The following ADAM9 variants were observed in gnomAD, a reference collection of about 807,000 sequenced individuals.
The protein encoded by ADAM9 is disintegrin and metalloproteinase domain-containing protein 9.
Under a neutral mutation model 108.1 loss-of-function variants are expected in ADAM9, and 54 were observed. The observed-to-expected ratio is 0.50, with a 90% CI of 0.40 to 0.63. The LOEUF (loss-of-function observed/expected upper bound fraction) is 0.63. ADAM9 is among the 20% of genes least tolerant of loss of function. ADAM9 has a pLI of 0.00. For missense variants in ADAM9, 830 were observed against 997.7 expected (o/e 0.83, Z 2.26); for synonymous variants, 316 against 336.0 (o/e 0.94, Z 0.65).
chr8:39,015,919 G>C (rs1055843031), intron 4 of ADAM9, 199 bp from the exon 5 acceptor site: 17 of 570,350 alleles, frequency 3.0e-5, no homozygotes, highest in African/African-American at 2.8e-4. Flanking sequence ...AAACATTTGT[G>C]TACTCATAGG....
chr8:39,054,431 A>G (rs1838049629), intron 12 of ADAM9, 50 bp from the exon 13 acceptor site: 1 of 1,475,114 alleles, frequency 6.8e-7, no homozygotes, highest in Non-Finnish European at 9.5e-7. Context: ...ATTAATGAGT[A>G]TTCATGTCAA....
At chr8:39,039,049 C>T (rs1307597009) in intron 11 of ADAM9, among the ~76,000 whole-genome samples, 1 of 152,134 alleles carries the variant, frequency 6.6e-6, no homozygotes, top group African/African-American at 2.4e-5. Context: ...GTACTATCAA[C>T]TTTTCTAGAG....
intron 12 of ADAM9, among the ~76,000 whole-genome samples, chr8:39,048,006 C>T (rs1398341397): frequency 1.3e-5 from 2 of 151,674 alleles, no homozygotes; most frequent in Admixed American, 6.6e-5. Flanking sequence ...TTGCAACCTC[C>T]ACCTCCTGGT....
At chr8:39,007,681 A>G (rs978897456) in intron 1 of ADAM9, among the ~76,000 whole-genome samples, 3 of 152,202 alleles carry the variant, frequency 2.0e-5, no homozygotes, top group Non-Finnish European at 2.9e-5. Context: ...AAGAAAATAC[A>G]TTTTCCTCCC....
intron 16 of ADAM9, among the ~76,000 whole-genome samples, chr8:39,081,538 A>G (rs1375990698): frequency 2.6e-5 from 4 of 152,362 alleles, no homozygotes; most frequent in Admixed American, 1.3e-4. Context: ...ATCTTTATTC[A>G]GGAGTAGTGC....
intron 21 of ADAM9, among the ~76,000 whole-genome samples, chr8:39,103,075 AC>A (rs1384527581): frequency 6.6e-6 from 1 of 152,222 alleles, no homozygotes. Context: ...TTCTAGTGTT[AC>A]TGGAGTAGAG....
chr8:39,077,868 T>C (rs999228739), intron 16 of ADAM9, among the ~76,000 whole-genome samples: 1 of 152,184 alleles, frequency 6.6e-6, no homozygotes, highest in African/African-American at 2.4e-5. Context: ...GAAGATGCCC[T>C]GGGCCAAATT....
chr8:39,013,977 T>G lies in ADAM9; in HGVS notation c.267T>G (p.Pro89=). ...IHLERNKDLL[P]EDFVVYTYNK... ...ATTTCTCTTCCAGAGACCTTTTGCC[T>G]GAAGATTTTGTGGTTTATACTTACA... is the stretch of plus-strand genomic sequence containing the variant. The change falls in exon 4 of 22, where the codon CCT becomes CCG. Residue 89 remains proline (P), a synonymous_variant. Transcript: ENST00000487273. The G allele has an allele frequency of 6.2e-7, 1 of 1,613,344 alleles. No individual in the cohort carries two copies. Among genetic ancestry groups the G allele is most frequent in the Non-Finnish European group, 8.5e-7 (1 of 1,179,432 alleles).
chr8:39,045,358 A>ATATAGGTGTGTGTACATACACC (rs1375428684), intron 12 of ADAM9, among the ~76,000 whole-genome samples: 3 of 93,542 alleles, frequency 3.2e-5, no homozygotes, highest in South Asian at 3.1e-4. Flanking sequence ...GTGTACATAC[A>ATATAGGTGTGTGTACATACACC]TATAGGTGTG....
At chr8:39,001,400 C>T (rs573475617) in intron 1 of ADAM9, among the ~76,000 whole-genome samples, 4 of 152,278 alleles carry the variant, frequency 2.6e-5, no homozygotes, top group Admixed American at 1.3e-4. Flanking sequence ...TTATTGAATA[C>T]GTACTGTACC....
intron 7 of ADAM9, among the ~76,000 whole-genome samples, chr8:39,019,325 T>C (rs1836657006): frequency 6.6e-6 from 1 of 152,176 alleles, no homozygotes; most frequent in Admixed American, 6.5e-5. Context: ...TATTGCACTT[T>C]GAGAGATGGA....
At chr8:39,003,732 A>C (rs1219612265) in intron 1 of ADAM9, among the ~76,000 whole-genome samples, 1 of 152,216 alleles carries the variant, frequency 6.6e-6, no homozygotes, top group Non-Finnish European at 1.5e-5. Flanking sequence ...GGATTTTAGA[A>C]GCAAGATGTC....
At chr8:39,091,413 A>C (rs1462695606) in intron 20 of ADAM9, 67 bp downstream of exon 20, 1 of 1,352,992 alleles carries the variant, frequency 7.4e-7, no homozygotes, top group Non-Finnish European at 1.1e-6. Flanking sequence ...AGGATTAAAA[A>C]CACAGTTATA....
intron 2 of ADAM9, among the ~76,000 whole-genome samples, chr8:39,009,180 C>T (rs1836264714): frequency 6.6e-6 from 1 of 152,202 alleles, no homozygotes. Flanking sequence ...GTAAATGACT[C>T]TAAGATCTCC....
rs934464832 is a variant in ADAM9, at chr8:39,020,629, A to G, written c.673-1014A>G. On this transcript the variant is annotated intron_variant, in intron 7 of 21. Coordinates refer to ENST00000487273, the MANE Select transcript of ADAM9 (RefSeq NM_003816.3). Reference sequence around the variant, plus strand: ...GTTAAACTTTTATATATTTTCATCTACATATGATTTTTTAACTAGTGATTA... The same window carrying G: ...GTTAAACTTTTATATATTTTCATCTGCATATGATTTTTTAACTAGTGATTA... 4.6e-5 allele frequency among the ~76,000 whole-genome samples: 7 copies of G among 152,316 alleles called. 1 individual carries two copies. In the South Asian group the frequency reaches 6.2e-4, roughly 14 times the overall value.
At chr8:39,036,428 A>T (rs1837277030) in intron 11 of ADAM9, among the ~76,000 whole-genome samples, 1 of 152,168 alleles carries the variant, frequency 6.6e-6, no homozygotes, top group Non-Finnish European at 1.5e-5. Context: ...GTGTTCTGGG[A>T]ATTTTCAGAG....
chr8:39,013,969 C>A lies in ADAM9; in HGVS notation c.259C>A (p.Leu87Ile), dbSNP rs756115024. The A allele has an allele frequency of 6.2e-7, 1 of 1,612,872 alleles. No individual in the cohort carries two copies. Among genetic ancestry groups the A allele is most frequent in the Non-Finnish European group, 8.5e-7 (1 of 1,179,124 alleles). ...HIIHLERNKD[L>I]LPEDFVVYTY... ...GGTGTTTTATTTCTCTTCCAGAGAC[C>A]TTTTGCCTGAAGATTTTGTGGTTTA... The change falls in exon 4 of 22, where the codon CTT becomes ATT. Residue 87 changes from leucine to isoleucine, a missense_variant. This residue lies in a region of ADAM9 where 211 missense variants were observed against 222.2 expected (regional missense o/e 0.95). Transcript: ENST00000487273.
chr8:39,076,834 C>T (rs963645152), intron 15 of ADAM9, among the ~76,000 whole-genome samples: 1 of 152,146 alleles, frequency 6.6e-6, no homozygotes, highest in Non-Finnish European at 1.5e-5. Context: ...CTAATTTCTT[C>T]TTTATCATAA....
At chr8:39,066,185 T>C (rs1264835280) in intron 14 of ADAM9, among the ~76,000 whole-genome samples, 1 of 152,240 alleles carries the variant, frequency 6.6e-6, no homozygotes, top group Non-Finnish European at 1.5e-5. Context: ...AAGTCTTTGC[T>C]GTTGTGAATA....
Sources: gnomAD v4.1 joint callset for allele counts (sites outside exome capture counted in the v4.1 genomes callset) on GRCh38, gnomAD v4.1.1 for gene constraint, gnomAD v4.1.1 regional missense constraint, MANE v1.5 for transcripts, NCBI Gene and HGNC (gene_info 2026-07-23, HGNC 2026-07-21) for gene names.